The following SGPP1 variants were observed in gnomAD, a reference collection of about 807,000 sequenced individuals.
The protein encoded by SGPP1 is hSPP1.
SGPP1 carries 21 observed loss-of-function variants against 33.0 expected under a neutral mutation model. That is an observed-to-expected ratio of 0.64 (90% confidence interval 0.45 to 0.92). SGPP1 has a LOEUF of 0.92. SGPP1 is among the 40% of genes least tolerant of loss of function. The probability of loss-of-function intolerance (pLI) is 0.00; values close to 1 mark genes in which losing one functional copy is unlikely to be tolerated. For synonymous variants in SGPP1, 239 were observed against 241.2 expected (o/e 0.99, Z 0.08); for missense variants, 543 against 589.4 (o/e 0.92, Z 0.81).
At position 63,727,450 on chromosome 14, in the gene SGPP1, G is replaced by A; in HGVS notation, c.495C>T (p.Val165=). 2.5e-6 allele frequency: 4 copies of A among 1,614,120 alleles called. No individual in the cohort carries two copies. Among genetic ancestry groups the A allele is most frequent in the Non-Finnish European group, 3.4e-6 (4 of 1,180,024 alleles). The part of the protein sequence containing the change: ...LDPLVGRRLV[V]IWVLVMYLGQ... The stretch of plus-strand genomic sequence containing the variant: ...CCAGGTACATGACCAGCACCCAGAT[G>A]ACCACGAGCCTCCGGCCCACCAGAG... Residue 165 remains valine, a synonymous_variant, in exon 1 of 3, where the codon GTC becomes GTT. Transcript: ENST00000247225.
chr14:63,694,261 G>A (rs183199444), intron 2 of SGPP1, among the ~76,000 whole-genome samples: 24 of 150,508 alleles, frequency 1.6e-4, no homozygotes, highest in Middle Eastern at 3.4e-3. Context: ...GTAACAGAAG[G>A]AGACCCTGTC....
At chr14:63,687,117 T>C (rs902323085) in intron 2 of SGPP1, among the ~76,000 whole-genome samples, 2 of 152,148 alleles carry the variant, frequency 1.3e-5, no homozygotes, top group Non-Finnish European at 2.9e-5. Context: ...ACCCCTATTT[T>C]AGGGGTTGAG....
chr14:63,709,117 A>G (rs1165198261), intron 1 of SGPP1, among the ~76,000 whole-genome samples: 3 of 152,148 alleles, frequency 2.0e-5, no homozygotes, highest in African/African-American at 7.2e-5. Flanking sequence ...GGTCACACCT[A>G]TAATCCCAGT....
intron 1 of SGPP1, among the ~76,000 whole-genome samples, chr14:63,715,586 A>C (rs1450371800): frequency 6.6e-6 from 1 of 152,164 alleles, no homozygotes; most frequent in East Asian, 1.9e-4. Context: ...TGCTAGAGGC[A>C]GTTTCCAGGC....
At chr14:63,716,418 C>T (rs111415378) in intron 1 of SGPP1, among the ~76,000 whole-genome samples, 6,652 of 151,900 alleles carry the variant, frequency 0.044, 466 homozygotes, top group African/African-American at 0.15. Flanking sequence ...CGCTTGAATC[C>T]GGGGGGTGGA....
At chr14:63,687,432 T>G (rs1885002716) in intron 2 of SGPP1, among the ~76,000 whole-genome samples, 2 of 152,284 alleles carry the variant, frequency 1.3e-5, no homozygotes, top group South Asian at 4.1e-4. Context: ...AGAGCAAGAC[T>G]GTTGATAACC....
chr14:63,722,971 C>CAAAAA (rs780291066), intron 1 of SGPP1, among the ~76,000 whole-genome samples: 1 of 68,974 alleles, frequency 1.4e-5, no homozygotes, highest in African/African-American at 5.2e-5. Context: ...GACCCTGTCT[C>CAAAAA]AAAAAAAAAA....
chr14:63,697,616 T>C (rs1013083419), intron 2 of SGPP1, among the ~76,000 whole-genome samples: 1 of 152,024 alleles, frequency 6.6e-6, no homozygotes, highest in Admixed American at 6.6e-5. Context: ...AAAAAAGCAA[T>C]TGCAATTTAG....
chr14:63,725,679 G>A (rs914837286), intron 1 of SGPP1, among the ~76,000 whole-genome samples: 3 of 152,064 alleles, frequency 2.0e-5, no homozygotes, highest in Non-Finnish European at 2.9e-5. Flanking sequence ...TCCCATAAAC[G>A]ATTCAGCAGT....
chr14:63,715,913 G>T (rs1378021361), intron 1 of SGPP1, among the ~76,000 whole-genome samples: 1 of 152,090 alleles, frequency 6.6e-6, no homozygotes, highest in Non-Finnish European at 1.5e-5. Flanking sequence ...GAGGGAATTG[G>T]GTAGAATGGT....
At chr14:63,700,233 G>C (rs547481798) in intron 1 of SGPP1, among the ~76,000 whole-genome samples, 92 of 152,114 alleles carry the variant, frequency 6.0e-4, no homozygotes, top group Middle Eastern at 3.4e-3. Flanking sequence ...TTCTAGACTA[G>C]GCATGCTGAA....
chr14:63,699,558 G>A (rs897252817), intron 1 of SGPP1, among the ~76,000 whole-genome samples: 1 of 152,000 alleles, frequency 6.6e-6, no homozygotes, highest in Non-Finnish European at 1.5e-5. Flanking sequence ...GGTTTTTGGT[G>A]GTTTGTTTTG....
intron 1 of SGPP1, among the ~76,000 whole-genome samples, chr14:63,716,626 G>A (rs1016404776): frequency 2.0e-5 from 3 of 152,100 alleles, no homozygotes; most frequent in Admixed American, 6.5e-5. Context: ...CCAAGAGTTC[G>A]AGGCTCTTGG....
At chr14:63,716,590 T>C (rs926003279) in intron 1 of SGPP1, among the ~76,000 whole-genome samples, 6 of 151,980 alleles carry the variant, frequency 3.9e-5, no homozygotes, top group African/African-American at 1.4e-4. Context: ...CTACTCTGGA[T>C]GCTGAGGCAG....
chr14:63,720,025 C>G (rs1885736627), intron 1 of SGPP1, among the ~76,000 whole-genome samples: 2 of 150,478 alleles, frequency 1.3e-5, no homozygotes. Flanking sequence ...ACTCGGGAGG[C>G]TGGGGCAGGA....
intron 1 of SGPP1, among the ~76,000 whole-genome samples, chr14:63,720,775 A>G (rs1049899131): frequency 6.6e-6 from 1 of 152,066 alleles, no homozygotes; most frequent in Non-Finnish European, 1.5e-5. Flanking sequence ...CAAAACAAAC[A>G]AACAACTATA....
chr14:63,707,628 C>T (rs371391242), intron 1 of SGPP1, among the ~76,000 whole-genome samples: 2 of 151,934 alleles, frequency 1.3e-5, no homozygotes, highest in East Asian at 3.9e-4. Flanking sequence ...CTCCGCCTCC[C>T]GGGTTCAAGC....
chr14:63,713,083 G>C (rs541849207), intron 1 of SGPP1, among the ~76,000 whole-genome samples: 28 of 152,124 alleles, frequency 1.8e-4, no homozygotes, highest in African/African-American at 6.5e-4. Context: ...TACTCATTTT[G>C]CACCTATATG....
chr14:63,697,699 T>C (rs1885214333), intron 2 of SGPP1, among the ~76,000 whole-genome samples: 1 of 152,088 alleles, frequency 6.6e-6, no homozygotes, highest in African/African-American at 2.4e-5. Context: ...CTTTGAGGGG[T>C]TAAGAATATC....
Sources: gnomAD v4.1 joint callset for allele counts (sites outside exome capture counted in the v4.1 genomes callset) on GRCh38, gnomAD v4.1.1 for gene constraint, MANE v1.5 for transcripts, NCBI Gene and HGNC (gene_info 2026-07-23, HGNC 2026-07-21) for gene names.